PFKFB4: variants seen among roughly 807,000 people sequenced by gnomAD.
PFKFB4 encodes the protein 6-phosphofructo-2-kinase/fructose-2,6-bisphosphatase 4.
Under a neutral mutation model 62.8 loss-of-function variants are expected in PFKFB4, and 42 were observed. That is an observed-to-expected ratio of 0.67 (90% CI 0.52 to 0.86). PFKFB4 has a LOEUF of 0.86. Ranked by LOEUF, PFKFB4 falls within the 40% of genes least tolerant of loss-of-function variation. The pLI is 0.00. For missense variants in PFKFB4, 475 were observed against 627.2 expected (o/e 0.76, Z 2.59); for synonymous variants, 204 against 240.7 (o/e 0.85, Z 1.41).
chr3:48,538,916 G>C (rs1445239351), intron 6 of PFKFB4, among the ~76,000 whole-genome samples: 1 of 152,204 alleles, frequency 6.6e-6, no homozygotes, highest in Non-Finnish European at 1.5e-5. Flanking sequence ...AGACCCAGAT[G>C]CCCATTCCTC....
intron 9 of PFKFB4, among the ~76,000 whole-genome samples, chr3:48,533,452 A>G: frequency 6.6e-6 from 1 of 152,218 alleles, no homozygotes; most frequent in South Asian, 2.1e-4. Flanking sequence ...ATATCCACAG[A>G]AAAAGCTTTT....
At chr3:48,534,813 ATT>A (rs371931700) in intron 9 of PFKFB4, among the ~76,000 whole-genome samples, 2 of 146,322 alleles carry the variant, frequency 1.4e-5, no homozygotes, top group Admixed American at 6.8e-5. Context: ...GCAGAAGAGC[ATT>A]TTTTTTTTTT....
chr3:48,529,932 T>G (rs2042382054), intron 9 of PFKFB4, among the ~76,000 whole-genome samples: 1 of 150,072 alleles, frequency 6.7e-6, no homozygotes, highest in Non-Finnish European at 1.5e-5. Flanking sequence ...CCAGCCTGGG[T>G]GACAGAGCCA....
At chr3:48,548,100 C>T (rs1389118678) in intron 3 of PFKFB4, 2 of 152,196 alleles carry the variant, frequency 1.3e-5, no homozygotes, top group Admixed American at 1.3e-4. Flanking sequence ...CTCTCTGAGT[C>T]TAGGTCTCTT....
At chr3:48,557,008 G>A (rs1175613193), upstream of PFKFB4, 20 of 1,351,032 alleles carry the variant, frequency 1.5e-5, no homozygotes, top group African/African-American at 3.0e-5. Flanking sequence ...GGAACAAGTG[G>A]GCCCAGTTCT....
At chr3:48,544,441 CTTTTTTTTTTTT>C (rs34817026) in intron 3 of PFKFB4, among the ~76,000 whole-genome samples, 1 of 100,368 alleles carries the variant, frequency 1.0e-5, no homozygotes, top group Non-Finnish European at 2.0e-5. Context: ...GTTTTCAGAT[CTTTTTTTTTTTT>C]TTTTTTTTTT....
chr3:48,535,914 C>T (rs1455540316), intron 8 of PFKFB4, among the ~76,000 whole-genome samples: 1 of 152,240 alleles, frequency 6.6e-6, no homozygotes, highest in African/African-American at 2.4e-5. Context: ...CTCCCCACAA[C>T]CAGGTGCCCT....
chr3:48,562,865 A>T, upstream of PFKFB4: 1 of 1,596,028 alleles, frequency 6.3e-7, no homozygotes, highest in East Asian at 2.3e-5. This position sits in a 1 kb window ranked among gnomAD's most constrained non-coding sequence, Gnocchi z 4.3. Flanking sequence ...GGCTTGCTCC[A>T]GTAAGATCTG....
intron 12 of PFKFB4, 27 bp from the exon 13 acceptor site, chr3:48,522,077 C>T (rs1281508453): frequency 3.1e-6 from 5 of 1,608,334 alleles, no homozygotes; most frequent in Admixed American, 3.3e-5. Context: ...GCAAATCCAT[C>T]CCCACTCCTG....
rs1413490501 is a variant in PFKFB4, at chr3:48,536,424, G to A, written c.672C>T (p.Ser224=). ...SYIKIMDVGQ[S]YVVNRVADHI... is the part of the protein sequence containing the mutation. ...GGTCAGCCACACGGTTCACCACGTA[G>A]CTCTGGCCCACATCCATGATCTTGA... Residue 224 remains serine (S), a synonymous_variant, in exon 8 of 14, where the codon AGC becomes AGT. Coordinates refer to ENST00000232375, the MANE Select transcript of PFKFB4 (RefSeq NM_004567.4). 6.2e-7 allele frequency: 1 copy of A among 1,614,004 alleles called. No homozygotes were observed. Among genetic ancestry groups the A allele is most frequent in the Non-Finnish European group, 8.5e-7 (1 of 1,179,948 alleles).
At chr3:48,527,271 T>C (rs1165296891) in intron 9 of PFKFB4, among the ~76,000 whole-genome samples, 1 of 151,120 alleles carries the variant, frequency 6.6e-6, no homozygotes, top group African/African-American at 2.4e-5. Context: ...TTTTTTTTTT[T>C]AACATTTAGT....
chr3:48,556,048 G>C lies in PFKFB4; in HGVS notation c.97+633C>G. ...ATTCTCCTAGCTGTTTCACTCTCCA[G>C]TTTTACTGTACACCCATGACCCCAG... On this transcript the variant is annotated intron_variant, in intron 1 of 13. Transcript: ENST00000232375. This position sits in a 1 kb window ranked among gnomAD's most constrained non-coding sequence, Gnocchi z 5.7. 1 of 453,814 alleles carries C rather than the reference G, an allele frequency of 2.2e-6. No homozygotes were observed. The allele number at this position is 453,814 out of a possible 1,614,324, so 28.1% of individuals were successfully genotyped here. A position where few individuals can be genotyped will look rare whatever the true frequency, so the allele number is the denominator to read the frequency against.
intron 3 of PFKFB4, among the ~76,000 whole-genome samples, chr3:48,544,024 A>T (rs1316073062): frequency 0.011 from 727 of 64,800 alleles, 7 homozygotes; most frequent in African/African-American, 0.039. Context: ...TTATTTATTT[A>T]TTTTTTTTGA....
chr3:48,561,464 T>G (rs2043433038), upstream of PFKFB4: 1 of 156,984 alleles, frequency 6.4e-6, no homozygotes, highest in Non-Finnish European at 1.4e-5. The surrounding 1 kb of genome is among the most constrained non-coding windows in gnomAD (Gnocchi z 5.2). Context: ...GTCAGTTCTG[T>G]CTCTGGCCCA....
intron 9 of PFKFB4, among the ~76,000 whole-genome samples, chr3:48,526,536 G>A (rs1034180857): frequency 1.3e-5 from 2 of 149,770 alleles, no homozygotes; most frequent in Non-Finnish European, 2.9e-5. Context: ...TTACGCCACT[G>A]CACTCCAGCC....
At chr3:48,557,078 TC>T, upstream of PFKFB4, 2 of 851,624 alleles carry the variant, frequency 2.3e-6, no homozygotes, top group Non-Finnish European at 3.2e-6. Flanking sequence ...CCGCCCCAGT[TC>T]AAGGCCCGGA....
chr3:48,543,869 A>AT (rs2107556505), intron 3 of PFKFB4, among the ~76,000 whole-genome samples: 1 of 152,178 alleles, frequency 6.6e-6, no homozygotes, highest in South Asian at 2.1e-4. Context: ...TATTAGGAAC[A>AT]TTTTTTAAGC....
At chr3:48,555,197 T>A (rs2043275925) in intron 1 of PFKFB4, among the ~76,000 whole-genome samples, 1 of 151,300 alleles carries the variant, frequency 6.6e-6, no homozygotes, top group Non-Finnish European at 1.5e-5. Flanking sequence ...AAAGGAGGGG[T>A]GGCCATAGCC....
chr3:48,540,776 ATTT>A (rs34769393), intron 4 of PFKFB4, among the ~76,000 whole-genome samples: 4 of 136,586 alleles, frequency 2.9e-5, no homozygotes, highest in East Asian at 2.1e-4. Context: ...TACCTGGCTA[ATTT>A]TTTTTTTTTT....
Sources: allele counts gnomAD v4.1 joint callset (sites outside exome capture counted in the v4.1 genomes callset), GRCh38; gene constraint gnomAD v4.1.1; non-coding constraint Gnocchi (gnomAD v3.1); transcripts MANE v1.5; gene names NCBI Gene and HGNC (gene_info 2026-07-23, HGNC 2026-07-21).